NADK: variants seen among roughly 807,000 people sequenced by gnomAD.
The protein encoded by NADK is poly(P)/ATP NAD kinase.
In NADK, 22 loss-of-function variants were observed where a neutral mutation model predicts 49.8. The ratio of observed to expected loss-of-function variants is 0.44; its 90% CI spans 0.32 to 0.63. NADK has a LOEUF of 0.63. NADK is among the 30% of genes least tolerant of loss of function. The probability of loss-of-function intolerance (pLI) is 0.06; values close to 1 mark genes in which losing one functional copy is unlikely to be tolerated. For missense variants in NADK, 438 were observed against 609.4 expected (o/e 0.72, Z 2.96); for synonymous variants, 268 against 253.7 (o/e 1.06, Z -0.54).
intron 2 of NADK, among the ~76,000 whole-genome samples, chr1:1,763,375 T>G (rs537610003): frequency 6.6e-6 from 1 of 152,006 alleles, no homozygotes; most frequent in African/African-American, 2.4e-5. Flanking sequence ...TCCCAGCACT[T>G]TGGGAGGCTG....
intron 3 of NADK, chr1:1,759,192 C>T (rs1457245106): frequency 6.4e-7 from 1 of 1,571,268 alleles, no homozygotes; most frequent in Admixed American, 1.8e-5. Flanking sequence ...GGCCCAGGCA[C>T]CCACCGCTGT....
chr1:1,760,022 G>T, intron 3 of NADK: 1 of 1,097,982 alleles, frequency 9.1e-7, no homozygotes, highest in Non-Finnish European at 1.3e-6. Context: ...CGGGAGGGCA[G>T]TGGAGCACTC....
intron 2 of NADK, among the ~76,000 whole-genome samples, chr1:1,763,354 C>T (rs1473863009): frequency 2.0e-5 from 3 of 152,126 alleles, no homozygotes; most frequent in Non-Finnish European, 4.4e-5. Context: ...CGTTGTGGCT[C>T]ACGCCTGTAA....
Position 1,756,529 on chromosome 1 carries a change from T to C in NADK, c.473A>G (p.Lys158Arg). The stretch of plus-strand genomic sequence containing the variant: ...TTCTCGAAAGGTACAGAATTTCTTC[T>C]TCACTGCCCCAAAGCTTTCATCGCT... ...IASDESFGAV[K>R]KKFCTFREDY... Residue 158 changes from lysine to arginine, a missense_variant, in exon 5 of 12, where the codon AAG becomes AGG. Transcript: ENST00000341426. 6.2e-7 allele frequency: 1 copy of C among 1,614,110 alleles called. No homozygotes were observed. The highest frequency in any genetic ancestry group is 8.5e-7 in the Non-Finnish European group (1 of 1,180,036).
rs200010467 is a variant in NADK at position 1,754,039 on chromosome 1, G to C, written c.1101+12C>G. ...ACTCACAAACCGGAAAAGGAGTGTC[G>C]TTGGCTCTGACCTTCAGCTCGACCC... On this transcript the variant is annotated intron_variant, in intron 10 of 11. Coordinates refer to ENST00000341426, the MANE Select transcript of NADK (RefSeq NM_023018.5). The surrounding 1 kb of genome is among the most constrained non-coding windows in gnomAD (Gnocchi z 4.3). The C allele has an allele frequency of 6.4e-7, 1 of 1,564,448 alleles. No homozygotes were observed. The highest frequency in any genetic ancestry group is 8.7e-7 in the Non-Finnish European group (1 of 1,155,268).
At chr1:1,776,034 C>A (rs1646200908) in intron 1 of NADK, among the ~76,000 whole-genome samples, 2 of 152,088 alleles carry the variant, frequency 1.3e-5, no homozygotes, top group African/African-American at 4.8e-5. Context: ...ACACAGCCTC[C>A]CCCCAAGTGC....
intron 1 of NADK, among the ~76,000 whole-genome samples, chr1:1,771,047 A>T (rs1361060681): frequency 3.3e-5 from 2 of 60,498 alleles, no homozygotes; most frequent in Non-Finnish European, 1.1e-4. Context: ...TCTTATAAAA[A>T]AAAAAAAAAT....
In NADK at chr1:1,778,434, G is replaced by T. The variant is rs1161026299; in HGVS notation, c.-186C>A. The T allele has an allele frequency of 6.8e-6, 1 of 147,940 alleles. No individual in the cohort carries two copies. Among genetic ancestry groups the T allele is most frequent in the African/African-American group, 2.4e-5 (1 of 40,972 alleles). 9.2% of individuals were successfully genotyped at this position (147,940 alleles called of 1,614,324 possible). ...CCATGGCCGCCCGGACCCCGGCGCC[G>T]GCGCCGCCGAGCAGCAATGCGCCGC... is the stretch of plus-strand genomic sequence containing the variant. On this transcript the variant is annotated 5_prime_UTR_variant, in exon 1 of 12. Coordinates refer to ENST00000341426, the MANE Select transcript of NADK (RefSeq NM_023018.5). The surrounding 1 kb of genome is among the most constrained non-coding windows in gnomAD (Gnocchi z 4.9).
At chr1:1,776,837 G>C (rs973624449) in intron 1 of NADK, among the ~76,000 whole-genome samples, 2 of 151,162 alleles carry the variant, frequency 1.3e-5, no homozygotes, top group Admixed American at 1.3e-4. Context: ...AGCACTTTGG[G>C]AAGTGGAGGC....
At chr1:1,766,178 G>A (rs1645879313) in intron 1 of NADK, among the ~76,000 whole-genome samples, 1 of 151,884 alleles carries the variant, frequency 6.6e-6, no homozygotes. Flanking sequence ...GGCCAGGTGC[G>A]GTGGCTCACC....
intron 3 of NADK, chr1:1,759,031 T>G: frequency 6.9e-7 from 1 of 1,446,028 alleles, no homozygotes; most frequent in Non-Finnish European, 9.2e-7. Flanking sequence ...TCCTCCGGCC[T>G]GGTCAGCCAG....
chr1:1,774,174 C>T (rs186012026), intron 1 of NADK, among the ~76,000 whole-genome samples: 2,071 of 147,954 alleles, frequency 0.014, 38 homozygotes, highest in African/African-American at 0.043. Context: ...TATATATATA[C>T]ACACACACAC....
At chr1:1,761,643 C>G in intron 3 of NADK, 1 of 304,868 alleles carries the variant, frequency 3.3e-6, no homozygotes, top group South Asian at 4.5e-5. Flanking sequence ...CGGGCTGTGA[C>G]CCGGTCTCCA....
chr1:1,764,364 C>T (rs1014773746), intron 2 of NADK, among the ~76,000 whole-genome samples: 2 of 152,172 alleles, frequency 1.3e-5, no homozygotes, highest in South Asian at 2.1e-4. Flanking sequence ...GTGCGGCCAC[C>T]GTCATGCAAA....
intron 6 of NADK, chr1:1,756,042 C>T (rs1169771946): frequency 3.3e-6 from 2 of 601,352 alleles, no homozygotes; most frequent in Admixed American, 2.9e-5. Context: ...CCCAGGCGGG[C>T]GCTGGCCACC....
rs372885575 is a variant in NADK, at chr1:1,770,305, A to G, written c.-40-4859T>C. On this transcript the variant is annotated intron_variant, in intron 1 of 11. Transcript: ENST00000341426. ...TAGAGGCCACAGCCAGTGCAATAAC[A>G]TAAGAAAAAAATAAAAGGTACAGTG... Among the ~76,000 whole-genome samples, 60 of 152,348 alleles carry G rather than the reference A, an allele frequency of 3.9e-4. No homozygotes were observed. The East Asian group carries it at 0.01, about 26-fold the overall frequency.
intron 1 of NADK, among the ~76,000 whole-genome samples, chr1:1,769,521 A>T (rs1029591946): frequency 1.3e-5 from 2 of 152,138 alleles, no homozygotes; most frequent in Admixed American, 1.3e-4. Flanking sequence ...ATGGCACTCC[A>T]GCTTGGGCAA....
rs1307498044 is a variant in NADK, at chr1:1,752,854, A to G, written c.*50T>C. The G allele has an allele frequency of 3.8e-6, 6 of 1,584,008 alleles. No individual in the cohort carries two copies. Among genetic ancestry groups the G allele is most frequent in the Non-Finnish European group, 5.2e-6 (6 of 1,162,256 alleles). On this transcript the variant is annotated 3_prime_UTR_variant, in exon 12 of 12. Coordinates refer to ENST00000341426, the MANE Select transcript of NADK (RefSeq NM_023018.5). ...CACACGCAGATTGGTCTGTCCCCAG[A>G]GGGCGCTTGGAGGGCAGCGGAAGGA...
intron 3 of NADK, among the ~76,000 whole-genome samples, chr1:1,761,139 C>T (rs945172447): frequency 2.0e-5 from 3 of 152,172 alleles, no homozygotes; most frequent in East Asian, 1.9e-4. Flanking sequence ...ATTATAGGCA[C>T]GCGCCACCAT....
Sources: gnomAD v4.1 joint callset for allele counts (sites outside exome capture counted in the v4.1 genomes callset) on GRCh38, gnomAD v4.1.1 for gene constraint, Gnocchi (gnomAD v3.1) non-coding constraint, MANE v1.5 for transcripts, NCBI Gene and HGNC (gene_info 2026-07-23, HGNC 2026-07-21) for gene names.